TENM3: variants seen among roughly 807,000 people sequenced by gnomAD.
TENM3 encodes the protein teneurin transmembrane protein 3.
In TENM3, 63 loss-of-function variants were observed where a neutral mutation model predicts 255.1. That is an observed-to-expected ratio of 0.25 (90% CI 0.20 to 0.30). The LOEUF is 0.30. TENM3 is among the 10% of genes least tolerant of loss of function. The probability of loss-of-function intolerance (pLI) is 1.00; values close to 1 mark genes in which losing one functional copy is unlikely to be tolerated. For missense variants in TENM3, 2,929 were observed against 3,461.1 expected (o/e 0.85, Z 3.86); for synonymous variants, 1,306 against 1,322.3 (o/e 0.99, Z 0.27).
intron 3 of TENM3, among the ~76,000 whole-genome samples, chr4:182,389,312 T>C (rs1253414849): frequency 4.0e-5 from 6 of 150,580 alleles, no homozygotes; most frequent in African/African-American, 1.2e-4. Context: ...TACACATTGA[T>C]ACAACTTATC....
chr4:182,610,930 A>C (rs1297392482), intron 4 of TENM3, among the ~76,000 whole-genome samples: 21 of 144,358 alleles, frequency 1.5e-4, no homozygotes, highest in Admixed American at 9.8e-4. Context: ...TTTTTTGGAG[A>C]GACAGGGTGT....
intron 3 of TENM3, among the ~76,000 whole-genome samples, chr4:182,497,847 C>CATATAT (rs56170155): frequency 0.019 from 2,494 of 134,796 alleles, 45 homozygotes; most frequent in African/African-American, 0.039. Context: ...ACTAAAAATA[C>CATATAT]ATATATATAT....
chr4:181,753,015 A>G, the TENM3 span, among the ~76,000 whole-genome samples: 2 of 152,112 alleles, frequency 1.3e-5, no homozygotes, highest in South Asian at 4.2e-4. Flanking sequence ...TGTGATTATG[A>G]TTCATTGATT....
chr4:182,586,094 A>G (rs1232127283), intron 3 of TENM3, among the ~76,000 whole-genome samples: 1 of 152,102 alleles, frequency 6.6e-6, no homozygotes, highest in African/African-American at 2.4e-5. Flanking sequence ...ACCTCTACAA[A>G]GCATTTTAAC....
At chr4:182,036,685 C>T in the TENM3 span, among the ~76,000 whole-genome samples, 26 of 152,322 alleles carry the variant, frequency 1.7e-4, no homozygotes, top group Non-Finnish European at 2.9e-4. Flanking sequence ...AAAGACCACT[C>T]GCACACATTT....
At chr4:181,448,307 G>A in the TENM3 span, among the ~76,000 whole-genome samples, 2 of 143,300 alleles carry the variant, frequency 1.4e-5, no homozygotes, top group East Asian at 2.3e-4. Flanking sequence ...GAGTAGCTGG[G>A]AATACAGGCG....
At position 182,187,909 on chromosome 4, in the gene TENM3, G is replaced by T. The variant is rs556222271; in HGVS notation, c.-76+43155G>T. 1.8e-4 allele frequency among the ~76,000 whole-genome samples: 28 copies of T among 152,154 alleles called. No homozygotes were observed. In the South Asian group the frequency reaches 5.6e-3, roughly 30 times the overall value. On this transcript the variant is annotated intron_variant, in intron 1 of 2. Coordinates refer to the TENM3 transcript ENST00000512480. Reference sequence around the variant, plus strand: ...GATCCATAAAACGAAATGGATTAAAGAAAATTAAACAGTATTTTTAAGTGT... The same window carrying T: ...GATCCATAAAACGAAATGGATTAAATAAAATTAAACAGTATTTTTAAGTGT...
At chr4:182,522,036 GA>G (rs1485687643) in intron 3 of TENM3, among the ~76,000 whole-genome samples, 1 of 152,122 alleles carries the variant, frequency 6.6e-6, no homozygotes, top group African/African-American at 2.4e-5. Context: ...TACAGGAAGG[GA>G]AAAAAATTTA....
chr4:182,077,557 C>T, the TENM3 span, among the ~76,000 whole-genome samples: 4 of 152,080 alleles, frequency 2.6e-5, no homozygotes, highest in Non-Finnish European at 4.4e-5. Context: ...CAAACAAATA[C>T]TGGGGCAGGT....
chr4:182,620,021 T>G (rs1173800886), intron 4 of TENM3, among the ~76,000 whole-genome samples: 7 of 152,248 alleles, frequency 4.6e-5, no homozygotes, highest in African/African-American at 1.7e-4. Context: ...TCTGCCTTTA[T>G]TCTACAAACC....
intron 1 of TENM3, among the ~76,000 whole-genome samples, chr4:182,292,054 C>T (rs1489657707): frequency 1.3e-5 from 2 of 152,022 alleles, no homozygotes; most frequent in East Asian, 3.9e-4. Flanking sequence ...CTTTTTCAGC[C>T]CATGAAAAAG....
At position 182,633,524 on chromosome 4, in the gene TENM3, T is replaced by C. The variant is rs993458776; in HGVS notation, c.988+4635T>C. ...TGGCACCTGATGCATGAACTGGAGC[T>C]TTGTTCACCTCACGCCAATGGCTAG... On this transcript the variant is annotated intron_variant, in intron 5 of 27. Coordinates refer to ENST00000511685, the MANE Select transcript of TENM3 (RefSeq NM_001080477.4). 2.0e-5 allele frequency among the ~76,000 whole-genome samples: 3 copies of C among 152,320 alleles called. No individual in the cohort carries two copies. In the South Asian group the frequency reaches 6.2e-4, roughly 32 times the overall value.
At chr4:181,563,989 T>C in the TENM3 span, among the ~76,000 whole-genome samples, 2 of 151,518 alleles carry the variant, frequency 1.3e-5, no homozygotes, top group East Asian at 3.9e-4. Context: ...AACTTCTCCA[T>C]AGAGAAAATG....
the TENM3 span, among the ~76,000 whole-genome samples, chr4:181,826,841 G>A: frequency 6.6e-6 from 1 of 152,220 alleles, no homozygotes; most frequent in African/African-American, 2.4e-5. Context: ...CCAGGGTTAA[G>A]AGCCACTGCT....
the TENM3 span, among the ~76,000 whole-genome samples, chr4:181,700,420 A>G: frequency 1.3e-5 from 2 of 152,350 alleles, no homozygotes; most frequent in South Asian, 4.1e-4. Context: ...AAATTTGTAG[A>G]ATATAAGGGG....
chr4:182,098,449 G>T, the TENM3 span, among the ~76,000 whole-genome samples: 1 of 152,156 alleles, frequency 6.6e-6, no homozygotes, highest in Non-Finnish European at 1.5e-5. Context: ...TCTATCAGAG[G>T]ATGGATAAAG....
chr4:182,513,994 A>G (rs1010697211), intron 3 of TENM3, among the ~76,000 whole-genome samples: 3 of 152,210 alleles, frequency 2.0e-5, no homozygotes, highest in Admixed American at 6.5e-5. Flanking sequence ...GGAAACCACA[A>G]TAAAGGCTTG....
chr4:182,232,496 T>C (rs1370609696), intron 1 of TENM3, among the ~76,000 whole-genome samples: 1 of 152,094 alleles, frequency 6.6e-6, no homozygotes, highest in African/African-American at 2.4e-5. Flanking sequence ...GAGGCCAAGG[T>C]GGGCGGATTA....
chr4:181,853,208 A>G, the TENM3 span, among the ~76,000 whole-genome samples: 4 of 152,266 alleles, frequency 2.6e-5, no homozygotes, highest in Admixed American at 2.0e-4. Flanking sequence ...TCTCCTGGAC[A>G]TGAGTTAGAT....
Sources: allele counts gnomAD v4.1 joint callset (sites outside exome capture counted in the v4.1 genomes callset), GRCh38; gene constraint gnomAD v4.1.1; transcripts MANE v1.5; gene names NCBI Gene and HGNC (gene_info 2026-07-23, HGNC 2026-07-21).